Variants in IGF2BP3 observed in about 807,000 individuals in gnomAD.
IGF2BP3 encodes the protein insulin like growth factor 2 mRNA binding protein 3.
Under a neutral mutation model 73.8 loss-of-function variants are expected in IGF2BP3, and 9 were observed. The observed-to-expected ratio is 0.12, with a 90% CI of 0.07 to 0.21. The LOEUF (loss-of-function observed/expected upper bound fraction) is 0.21, where lower values mean the gene tolerates loss of function less well. IGF2BP3 is among the 10% of genes least tolerant of loss of function. IGF2BP3 has a pLI of 1.00. For synonymous variants in IGF2BP3, 258 were observed against 256.7 expected (o/e 1.01, Z -0.05); for missense variants, 542 against 714.0 (o/e 0.76, Z 2.75).
chr7:23,386,077 T>C (rs55634720), intron 3 of IGF2BP3, among the ~76,000 whole-genome samples: 3,359 of 152,312 alleles, frequency 0.022, 119 homozygotes, highest in African/African-American at 0.076. Context: ...GGGATAGATA[T>C]AGAGAAAATG....
chr7:23,432,733 G>A (rs921060151), intron 2 of IGF2BP3, among the ~76,000 whole-genome samples: 8 of 151,560 alleles, frequency 5.3e-5, no homozygotes, highest in Admixed American at 3.9e-4. Context: ...CTCAACCTCC[G>A]AGGTTCATGA....
chr7:23,389,706 T>C (rs1045129125), intron 3 of IGF2BP3, among the ~76,000 whole-genome samples: 1 of 151,406 alleles, frequency 6.6e-6, no homozygotes, highest in African/African-American at 2.4e-5. Flanking sequence ...CAAAAATAAA[T>C]GGTCAGGCTG....
Position 23,311,345 on chromosome 7 carries a change from ACTTT to A in IGF2BP3, c.*1013_*1016del, listed in dbSNP as rs1417141974. 1.3e-5 allele frequency: 2 copies of A among 152,606 alleles called. No individual in the cohort carries two copies. The highest frequency in any genetic ancestry group is 2.9e-5 in the Non-Finnish European group (2 of 68,038). The allele number at this position is 152,606 out of a possible 1,614,324, so 9.5% of individuals were successfully genotyped here. A position where few individuals can be genotyped will look rare whatever the true frequency, so the allele number is the denominator to read the frequency against. ...AAGTCTTGCATCTCTTCACTGATGC[ACTTT>A]CTTTAGGTATTGATAGTCAGAAGCA... is the stretch of plus-strand genomic sequence containing the variant. On this transcript the variant is annotated 3_prime_UTR_variant, in exon 15 of 15. Transcript: ENST00000258729.
intron 2 of IGF2BP3, among the ~76,000 whole-genome samples, chr7:23,430,977 T>C (rs1765609195): frequency 6.6e-6 from 1 of 152,210 alleles, no homozygotes; most frequent in Non-Finnish European, 1.5e-5. Context: ...AATGAAGACA[T>C]GCGCTTATGA....
chr7:23,388,397 G>T (rs954110294), intron 3 of IGF2BP3, among the ~76,000 whole-genome samples: 3 of 152,016 alleles, frequency 2.0e-5, no homozygotes, highest in African/African-American at 7.3e-5. Flanking sequence ...CAGATGAACA[G>T]GAGGAAAAAA....
At chr7:23,313,687 C>G (rs1340037205) in intron 12 of IGF2BP3, 34 bp from the exon 13 acceptor site, 1 of 1,604,050 alleles carries the variant, frequency 6.2e-7, no homozygotes, top group Non-Finnish European at 8.5e-7. Flanking sequence ...TAGTGTCATT[C>G]ATGTATGAAA....
rs1385877348 is a variant in IGF2BP3, at chr7:23,343,850, C to T, written c.945G>A (p.Leu315=). The T allele has an allele frequency of 1.2e-6, 2 of 1,608,944 alleles. No individual in the cohort carries two copies. The highest frequency in any genetic ancestry group is 1.1e-5 in the South Asian group (1 of 89,922). ...CTGGATTATACAGCGTCAATTCCTG[C>T]AATCTGCAGAATGAAAAAGAAGGGA... is the stretch of plus-strand genomic sequence containing the variant. ...DTDTKITISP[L]QELTLYNPER... Residue 315 remains leucine (L), a synonymous_variant, in exon 9 of 15, where the codon TTG becomes TTA. Transcript: ENST00000258729.
chr7:23,469,949 G>A lies in IGF2BP3; in HGVS notation c.162C>T (p.Ile54=), dbSNP rs747236732. The change falls in exon 1 of 15, where the codon ATC becomes ATT. Residue 54 remains isoleucine (I), a synonymous_variant. Transcript: ENST00000258729. This position sits in a 1 kb window ranked among gnomAD's most constrained non-coding sequence, Gnocchi z 6.1. ...CPDESWALKA[I]EALSGKIELH... ...GCCCGGGCCCACCTGAAAGCGCCTC[G>A]ATGGCCTTGAGGGCCCAGCTCTCGT... 8.1e-6 allele frequency: 13 copies of A among 1,609,902 alleles called. No homozygotes were observed. The South Asian group carries it at 1.3e-4, about 16-fold the overall frequency.
chr7:23,321,057 G>A (rs185581888), intron 10 of IGF2BP3, among the ~76,000 whole-genome samples: 28 of 152,186 alleles, frequency 1.8e-4, no homozygotes, highest in South Asian at 6.2e-4. Flanking sequence ...ATATTTTGTC[G>A]GGAGGGAGGA....
rs188052049 is a variant in IGF2BP3, at chr7:23,414,308, G to A, written c.285+4468C>T. 5.9e-5 allele frequency: 9 copies of A among 152,312 alleles called. No homozygotes were observed. The East Asian group carries it at 1.7e-3, about 29-fold the overall frequency. 9.4% of individuals were successfully genotyped at this position (152,312 alleles called of 1,614,324 possible). A position where few individuals can be genotyped will look rare whatever the true frequency, so the allele number is the denominator to read the frequency against. ...CAGCATGTAAGATATGCGGTCCAGA[G>A]AACTTGAGGAATCCCCTTCTGATCA... On this transcript the variant is annotated intron_variant, in intron 3 of 14. Transcript: ENST00000258729.
intron 5 of IGF2BP3, among the ~76,000 whole-genome samples, chr7:23,351,925 TTAGGAA>T (rs1395166460): frequency 6.6e-6 from 1 of 152,248 alleles, no homozygotes; most frequent in Non-Finnish European, 1.5e-5. Context: ...TACTAACGGT[TTAGGAA>T]TAGCTAAGCA....
At chr7:23,466,144 G>C (rs1158029319) in intron 2 of IGF2BP3, among the ~76,000 whole-genome samples, 2 of 151,480 alleles carry the variant, frequency 1.3e-5, no homozygotes, top group Non-Finnish European at 2.9e-5. Context: ...TCAGCCTCCC[G>C]AGTAGCTGGG....
In IGF2BP3 at chr7:23,367,623, C is replaced by T. The variant is rs190083608; in HGVS notation, c.286-5882G>A. Among the ~76,000 whole-genome samples, 12 of 152,168 alleles carry T rather than the reference C, an allele frequency of 7.9e-5. No homozygotes were observed. The East Asian group carries it at 2.1e-3, about 27-fold the overall frequency. On this transcript the variant is annotated intron_variant, in intron 3 of 14. Transcript: ENST00000258729. ...AAGGGGTATAAATGCAAAGTAAAGC[C>T]TCATAGAAAATGTCTTTCTAGAATT...
chr7:23,312,662 C>A, intron 14 of IGF2BP3, 73 bp downstream of exon 14: 2 of 1,079,862 alleles, frequency 1.9e-6, no homozygotes, highest in South Asian at 2.7e-5. Flanking sequence ...CTAATTCTAT[C>A]AGGTAGGAGC....
At position 23,346,744 on chromosome 7, in the gene IGF2BP3, C is replaced by T. The variant is rs534357252; in HGVS notation, c.819-682G>A. Among the ~76,000 whole-genome samples, 3 of 152,130 alleles carry T rather than the reference C, an allele frequency of 2.0e-5. No individual in the cohort carries two copies. The South Asian group carries it at 6.2e-4, about 32-fold the overall frequency. On this transcript the variant is annotated intron_variant, in intron 7 of 14. Coordinates refer to ENST00000258729, the MANE Select transcript of IGF2BP3 (RefSeq NM_006547.3). ...AGTGGCTGGGACTACAGGCACATGC[C>T]ACCACGCTCATCTAATTCTTGTATT...
intron 5 of IGF2BP3, among the ~76,000 whole-genome samples, chr7:23,353,790 T>A (rs776877178): frequency 6.6e-6 from 1 of 152,242 alleles, no homozygotes; most frequent in Non-Finnish European, 1.5e-5. Context: ...AATGCCTTGA[T>A]GACAGAACGT....
chr7:23,313,805 A>T, intron 12 of IGF2BP3, 152 bp from the exon 13 acceptor site: 1 of 727,786 alleles, frequency 1.4e-6, no homozygotes, highest in Non-Finnish European at 2.2e-6. Flanking sequence ...AGAAGAGAGC[A>T]GTTAGAAGTC....
At chr7:23,394,936 G>C (rs555253086) in intron 3 of IGF2BP3, among the ~76,000 whole-genome samples, 2 of 152,200 alleles carry the variant, frequency 1.3e-5, no homozygotes, top group South Asian at 2.1e-4. Flanking sequence ...AACAATAATG[G>C]AATACTGGAA....
At chr7:23,392,636 T>C (rs1055371978) in intron 3 of IGF2BP3, among the ~76,000 whole-genome samples, 1 of 152,058 alleles carries the variant, frequency 6.6e-6, no homozygotes, top group Non-Finnish European at 1.5e-5. Context: ...TTTTTTTTGT[T>C]TGTTTTTGGA....
Sources: allele counts gnomAD v4.1 joint callset (sites outside exome capture counted in the v4.1 genomes callset), GRCh38; gene constraint gnomAD v4.1.1; non-coding constraint Gnocchi (gnomAD v3.1); transcripts MANE v1.5; gene names NCBI Gene and HGNC (gene_info 2026-07-23, HGNC 2026-07-21).